TDRKH: variants seen among roughly 807,000 people sequenced by gnomAD.
TDRKH encodes tudor and KH domain containing.
Under a neutral mutation model 61.3 loss-of-function variants are expected in TDRKH, and 28 were observed. The observed-to-expected ratio is 0.46, with a 90% CI of 0.34 to 0.63. The LOEUF (loss-of-function observed/expected upper bound fraction) is 0.63. Ranked by LOEUF, TDRKH falls within the 20% of genes least tolerant of loss-of-function variation. The pLI is 0.01. For missense variants in TDRKH, 540 were observed against 683.4 expected (o/e 0.79, Z 2.34); for synonymous variants, 219 against 244.4 (o/e 0.90, Z 0.97).
downstream of TDRKH, chr1:151,770,194 G>A (rs750550779): frequency 8.7e-6 from 14 of 1,613,740 alleles, no homozygotes; most frequent in Non-Finnish European, 1.1e-5. Flanking sequence ...CCTGGAGTAC[G>A]TGGAAGAGAA....
intron 3 of TDRKH, among the ~76,000 whole-genome samples, 153 bp downstream of exon 3, chr1:151,781,328 A>AAATATATATATATATATATATATATATAT (rs1491536697): frequency 1.0e-4 from 7 of 68,584 alleles, no homozygotes; most frequent in South Asian, 3.7e-4. Flanking sequence ...AAAAAAAAAA[A>AAATATATATATATATATATATATATATAT]ATATATATAT....
rs60652277 is a variant in TDRKH, at chr1:151,781,328, A to AATATATATATATAT, written c.231+139_231+152dup. Among the ~76,000 whole-genome samples the AATATATATATATAT allele has an allele frequency of 6.4e-4, 44 of 68,582 alleles. 3 individuals carry two copies. Among genetic ancestry groups the AATATATATATATAT allele is most frequent in the Non-Finnish European group, 1.2e-3 (36 of 29,276 alleles). 45.0% of individuals were successfully genotyped at this position (68,582 alleles called of 152,430 possible). ...GCGAAACTCCATCTCAAAAAAAAAA[A>AATATATATATATAT]ATATATATATATATATTTTATATAT... On this transcript the variant is annotated intron_variant, in intron 3 of 12. Transcript: ENST00000368824.
chr1:151,786,174 A>G (rs1202447313), intron 1 of TDRKH, among the ~76,000 whole-genome samples: 1 of 152,200 alleles, frequency 6.6e-6, no homozygotes, highest in African/African-American at 2.4e-5. Context: ...GAGAAAGGAG[A>G]ACATCTAGCA....
intron 1 of TDRKH, among the ~76,000 whole-genome samples, chr1:151,787,756 G>T (rs1390970927): frequency 7.7e-6 from 1 of 130,070 alleles, no homozygotes; most frequent in Non-Finnish European, 1.6e-5. Flanking sequence ...AGGACTGCTT[G>T]AGACCAAGTA....
chr1:151,790,096 G>C (rs1444870311), intron 1 of TDRKH, among the ~76,000 whole-genome samples: 1 of 152,198 alleles, frequency 6.6e-6, no homozygotes, highest in Non-Finnish European at 1.5e-5. Context: ...AGGCCCAGTG[G>C]AAGAGTCTGA....
intron 6 of TDRKH, among the ~76,000 whole-genome samples, chr1:151,778,406 G>C (rs911825349): frequency 6.6e-6 from 1 of 152,174 alleles, no homozygotes; most frequent in African/African-American, 2.4e-5. Context: ...CTTCAGAGTG[G>C]AAGAGGCACC....
At chr1:151,768,434 T>G (rs542320569), downstream of TDRKH, among the ~76,000 whole-genome samples, 1 of 152,300 alleles carries the variant, frequency 6.6e-6, no homozygotes, top group East Asian at 1.9e-4. Flanking sequence ...GATCCAGAAA[T>G]AGTTGAATAA....
At chr1:151,771,464 G>A (rs563584541), downstream of TDRKH, 240 of 911,656 alleles carry the variant, frequency 2.6e-4, no homozygotes, top group Non-Finnish European at 3.5e-4. Flanking sequence ...AGGATTTTTG[G>A]TTCCCTTTGC....
chr1:151,788,538 C>A (rs1191233521), intron 1 of TDRKH, among the ~76,000 whole-genome samples: 2 of 152,108 alleles, frequency 1.3e-5, no homozygotes, highest in African/African-American at 4.8e-5. Context: ...GCTTATGGGG[C>A]ATAGAAATCA....
chr1:151,772,900 TTA>T (rs959450815), downstream of TDRKH, among the ~76,000 whole-genome samples: 1 of 152,148 alleles, frequency 6.6e-6, no homozygotes, highest in African/African-American at 2.4e-5. Flanking sequence ...GAATTTTTTT[TTA>T]TGAGACAAGG....
At position 151,781,599 on chromosome 1, in the gene TDRKH, A is replaced by G; in HGVS notation, c.125-12T>C. 1.9e-6 allele frequency: 3 copies of G among 1,611,246 alleles called. No homozygotes were observed. The highest frequency in any genetic ancestry group is 2.5e-6 in the Non-Finnish European group (3 of 1,178,244). On this transcript the variant is annotated splice_polypyrimidine_tract_variant and intron_variant, in intron 2 of 12. Transcript: ENST00000368824. ...TGTCAGCCGCTCTTCTGCACAGATC[A>G]TTGTTCATCAGATCAGACTTAGATA...
chr1:151,781,999 G>A (rs183938571), intron 2 of TDRKH: 16 of 457,856 alleles, frequency 3.5e-5, no homozygotes, highest in Middle Eastern at 3.2e-4. Context: ...AGCCTTTGAG[G>A]TAAGTGCCTT....
downstream of TDRKH, among the ~76,000 whole-genome samples, chr1:151,772,382 G>A (rs4845556): frequency 0.48 from 73,294 of 151,856 alleles, 17,978 homozygotes; most frequent in Middle Eastern, 0.53. Flanking sequence ...GTGAGCCACC[G>A]GTGCCTGGCT....
chr1:151,790,530 C>G (rs2101636374), upstream of TDRKH: 1 of 152,700 alleles, frequency 6.5e-6, no homozygotes, highest in South Asian at 2.1e-4. Context: ...CCGCCACTTC[C>G]CCGCCCCCGC....
At chr1:151,770,973 C>T (rs1440604622), downstream of TDRKH, 2 of 1,475,446 alleles carry the variant, frequency 1.4e-6, no homozygotes, top group African/African-American at 1.4e-5. Context: ...GCCTGCACTA[C>T]ACTGCTTCCC....
chr1:151,766,680 T>G, downstream of TDRKH: 1 of 1,550,960 alleles, frequency 6.4e-7, no homozygotes, highest in South Asian at 1.2e-5. Context: ...GCCACCCACC[T>G]GTGAACTTCA....
At chr1:151,778,069 T>C (rs1279067240) in intron 6 of TDRKH, among the ~76,000 whole-genome samples, 2 of 152,092 alleles carry the variant, frequency 1.3e-5, no homozygotes, top group African/African-American at 2.4e-5. Flanking sequence ...AGCGGGCTGG[T>C]AAAACATGGC....
At chr1:151,767,940 C>A, downstream of TDRKH, 1 of 1,301,296 alleles carries the variant, frequency 7.7e-7, no homozygotes, top group Non-Finnish European at 1.1e-6. Context: ...TCTTTAAGAT[C>A]TTGGCTCCAA....
At chr1:151,769,990 C>T, downstream of TDRKH, 5 of 905,138 alleles carry the variant, frequency 5.5e-6, no homozygotes, top group South Asian at 6.0e-5. Context: ...GAGAATCAGG[C>T]AGGGAGGTTG....
Sources: allele counts gnomAD v4.1 joint callset (sites outside exome capture counted in the v4.1 genomes callset), GRCh38; gene constraint gnomAD v4.1.1; transcripts MANE v1.5; gene names NCBI Gene and HGNC (gene_info 2026-07-23, HGNC 2026-07-21).